PDSS1: variants seen among roughly 807,000 people sequenced by gnomAD.
PDSS1 encodes the protein decaprenyl diphosphate synthase subunit 1.
A neutral mutation model predicts 57.5 loss-of-function variants in PDSS1; 43 were observed. The observed-to-expected ratio is 0.75, with a 90% CI of 0.59 to 0.96. PDSS1 has a LOEUF of 0.96. Among genes scored for constraint, PDSS1 ranks in the 50% least tolerant of loss-of-function variants. PDSS1 has a pLI of 0.00. For synonymous variants in PDSS1, 175 were observed against 191.3 expected (o/e 0.91, Z 0.70); for missense variants, 438 against 527.8 (o/e 0.83, Z 1.67).
chr10:26,700,643 G>A (rs1835023268), intron 1 of PDSS1, among the ~76,000 whole-genome samples: 1 of 152,024 alleles, frequency 6.6e-6, no homozygotes, highest in South Asian at 2.1e-4. Flanking sequence ...TGTTCATTCT[G>A]TCTCCTGCCG....
intron 11 of PDSS1, among the ~76,000 whole-genome samples, chr10:26,745,194 CAG>C (rs1276066502): frequency 1.3e-5 from 2 of 151,948 alleles, no homozygotes; most frequent in Non-Finnish European, 2.9e-5. Flanking sequence ...AAATAAATGT[CAG>C]AGGGATCATG....
intron 6 of PDSS1, 45 bp downstream of exon 6, chr10:26,720,404 C>A: frequency 7.9e-7 from 1 of 1,265,346 alleles, no homozygotes; most frequent in Non-Finnish European, 1.2e-6. Flanking sequence ...CTGAATCACA[C>A]ACTTTTCGGA....
intron 8 of PDSS1, among the ~76,000 whole-genome samples, chr10:26,733,196 T>G (rs1399114266): frequency 6.6e-6 from 1 of 152,218 alleles, no homozygotes; most frequent in Non-Finnish European, 1.5e-5. Flanking sequence ...AGGAGACTGC[T>G]TCACTATCAG....
intron 10 of PDSS1, 112 bp downstream of exon 10, chr10:26,735,691 G>C: frequency 5.5e-6 from 4 of 730,162 alleles, no homozygotes; most frequent in Non-Finnish European, 1.0e-5. Flanking sequence ...AAGGCATTCA[G>C]ATAAGAGATC....
chr10:26,737,132 C>G (rs962316636), intron 10 of PDSS1, among the ~76,000 whole-genome samples: 1 of 152,234 alleles, frequency 6.6e-6, no homozygotes. Flanking sequence ...AAGGAAAAAG[C>G]CTTTTTCCCT....
intron 2 of PDSS1, among the ~76,000 whole-genome samples, chr10:26,702,884 A>G (rs923574519): frequency 6.6e-6 from 1 of 152,184 alleles, no homozygotes; most frequent in Non-Finnish European, 1.5e-5. Flanking sequence ...AGAGTGTGTG[A>G]GGGAAAGGTA....
chr10:26,716,365 T>C (rs1373919693), intron 5 of PDSS1, among the ~76,000 whole-genome samples: 1 of 152,190 alleles, frequency 6.6e-6, no homozygotes, highest in Non-Finnish European at 1.5e-5. Flanking sequence ...TATTATTCTA[T>C]CTATTTTTAG....
At position 26,697,840 on chromosome 10, in the gene PDSS1, G is replaced by A; in HGVS notation, c.129G>A (p.Gln43=). The A allele has an allele frequency of 1.5e-6, 2 of 1,334,880 alleles. No homozygotes were observed. The highest frequency in any genetic ancestry group is 1.9e-6 in the Non-Finnish European group (2 of 1,036,102). The allele number at this position is 1,334,880 out of a possible 1,614,324, so 82.7% of individuals were successfully genotyped here. The change falls in exon 1 of 12, where the codon CAG becomes CAA. Residue 43 remains glutamine, a splice_region_variant and synonymous_variant. Transcript: ENST00000376215. ...GCGCCGCTGCCGAAGTCCGCGCGCAGGTGAGGTTGGGAGGCGCGCGCCCGG... is the reference window on the plus strand; with the variant it reads ...GCGCCGCTGCCGAAGTCCGCGCGCAAGTGAGGTTGGGAGGCGCGCGCCCGG... The part of the protein sequence containing the change: ...GPSAAAEVRA[Q]VHRRKGLDLS...
At chr10:26,732,236 G>A (rs1349388865) in intron 8 of PDSS1, among the ~76,000 whole-genome samples, 1 of 152,216 alleles carries the variant, frequency 6.6e-6, no homozygotes, top group Non-Finnish European at 1.5e-5. Flanking sequence ...GTTGTTTTCT[G>A]TTTTCCTGCT....
intron 5 of PDSS1, among the ~76,000 whole-genome samples, chr10:26,718,364 T>C (rs1484069550): frequency 1.3e-5 from 2 of 152,128 alleles, no homozygotes; most frequent in African/African-American, 4.8e-5. Context: ...GTGGTTTTTA[T>C]ATGCTAATTT....
At chr10:26,701,293 A>G (rs1368698685) in intron 1 of PDSS1, among the ~76,000 whole-genome samples, 1 of 152,262 alleles carries the variant, frequency 6.6e-6, no homozygotes, top group Non-Finnish European at 1.5e-5. Context: ...ACATTTGCAT[A>G]AGTAACAAGG....
intron 5 of PDSS1, among the ~76,000 whole-genome samples, chr10:26,714,358 C>T (rs1835492479): frequency 6.6e-6 from 1 of 151,826 alleles, no homozygotes; most frequent in African/African-American, 2.4e-5. Context: ...CCTATAAATC[C>T]CAGCTACTCA....
At position 26,735,579 on chromosome 10, in the gene PDSS1, G is replaced by A. The variant is rs759794622; in HGVS notation, c.1026G>A (p.Gln342=). ...GTCCTGTCCTGTTTGCCTGTCAGCA[G>A]GTAGGTTTTACAAACTCCCTTTGAC... ...ATGPVLFACQ[Q]FPEMNAMIMR... The change falls in exon 10 of 12, where the codon CAG becomes CAA. Residue 342 remains glutamine (Q), a splice_region_variant and synonymous_variant. Coordinates refer to ENST00000376215, the MANE Select transcript of PDSS1 (RefSeq NM_014317.5). 6.3e-6 allele frequency: 10 copies of A among 1,597,330 alleles called. No individual in the cohort carries two copies. In the South Asian group the frequency reaches 1.1e-4, roughly 18 times the overall value.
In PDSS1 at chr10:26,745,718, G is replaced by A. The variant is rs982075960; in HGVS notation, c.1108-615G>A. Among the ~76,000 whole-genome samples, 5 of 151,888 alleles carry A rather than the reference G, an allele frequency of 3.3e-5. No individual in the cohort carries two copies. In the South Asian group the frequency reaches 6.2e-4, roughly 19 times the overall value. On this transcript the variant is annotated intron_variant, in intron 11 of 11. Coordinates refer to ENST00000376215, the MANE Select transcript of PDSS1 (RefSeq NM_014317.5). ...AAAAATTAGCCGGGCATGGTGGCAC[G>A]CGCCTGTAGTCCCAGCTACTTGGGA...
At chr10:26,719,893 T>G (rs973167859) in intron 5 of PDSS1, among the ~76,000 whole-genome samples, 4 of 152,184 alleles carry the variant, frequency 2.6e-5, no homozygotes, top group Admixed American at 6.5e-5. Context: ...CTTATAAACT[T>G]AAACACCTGA....
chr10:26,727,471 A>G (rs990537055), intron 8 of PDSS1, among the ~76,000 whole-genome samples: 1 of 150,896 alleles, frequency 6.6e-6, no homozygotes, highest in Non-Finnish European at 1.5e-5. Context: ...TGTGGGTCAC[A>G]TTAGCAGAAC....
In PDSS1 at chr10:26,746,543, T is replaced by G; in HGVS notation, c.*70T>G. On this transcript the variant is annotated 3_prime_UTR_variant, in exon 12 of 12. Transcript: ENST00000376215. ...CTAAAGAATTTTGTGGAATACACTT[T>G]GTTTGCTTCATGTGCAGATAACCAA... is the stretch of plus-strand genomic sequence containing the variant. The G allele has an allele frequency of 2.6e-6, 4 of 1,517,092 alleles. No homozygotes were observed. The highest frequency in any genetic ancestry group is 3.7e-6 in the Non-Finnish European group (4 of 1,093,044). 94.0% of individuals were successfully genotyped at this position (1,517,092 alleles called of 1,614,324 possible).
intron 8 of PDSS1, among the ~76,000 whole-genome samples, chr10:26,731,518 G>A (rs1459822851): frequency 6.6e-6 from 1 of 152,130 alleles, no homozygotes; most frequent in East Asian, 1.9e-4. Context: ...CTATTTTTGT[G>A]TTGTGAGAGG....
At chr10:26,746,248 A>AT (rs1457392332) in intron 11 of PDSS1, 85 bp from the exon 12 acceptor site, 1 of 1,311,328 alleles carries the variant, frequency 7.6e-7, no homozygotes, top group African/African-American at 1.4e-5. Context: ...TCTCAAAACT[A>AT]TGTGTTCATT....
Sources: allele counts gnomAD v4.1 joint callset (sites outside exome capture counted in the v4.1 genomes callset), GRCh38; gene constraint gnomAD v4.1.1; transcripts MANE v1.5; gene names NCBI Gene and HGNC (gene_info 2026-07-23, HGNC 2026-07-21).